The following FRMD3 variants were observed in gnomAD, a reference collection of about 807,000 sequenced individuals.
FRMD3 encodes FERM domain containing 3, also known as FERM domain-containing protein 3.
FRMD3 carries 33 observed loss-of-function variants against 70.2 expected under a neutral mutation model. The observed-to-expected ratio is 0.47, with a 90% CI of 0.36 to 0.63. The LOEUF (loss-of-function observed/expected upper bound fraction) is 0.63, where lower values mean the gene tolerates loss of function less well. Ranked by LOEUF, FRMD3 falls within the 20% of genes least tolerant of loss-of-function variation. FRMD3 has a pLI of 0.00. For synonymous variants in FRMD3, 279 were observed against 255.9 expected, an observed-to-expected ratio of 1.09 and a Z score of -0.86; for missense variants, 632 against 711.4, an observed-to-expected ratio of 0.89 and a Z score of 1.27.
intron 1 of FRMD3, among the ~76,000 whole-genome samples, chr9:83,483,056 TA>T (rs1828605602): frequency 6.6e-6 from 1 of 152,208 alleles, no homozygotes; most frequent in African/African-American, 2.4e-5. Context: ...GGTTTGGCTC[TA>T]TGTCCCCACA....
At chr9:83,432,016 A>G (rs1826995986) in intron 1 of FRMD3, among the ~76,000 whole-genome samples, 2 of 152,152 alleles carry the variant, frequency 1.3e-5, no homozygotes, top group Non-Finnish European at 2.9e-5. Flanking sequence ...AGGCATAGAC[A>G]ATCCTCATTA....
At chr9:83,429,452 C>A (rs1053131854) in intron 1 of FRMD3, among the ~76,000 whole-genome samples, 1 of 152,140 alleles carries the variant, frequency 6.6e-6, no homozygotes, top group Non-Finnish European at 1.5e-5. Context: ...AACATTCTCC[C>A]CAGGACATCC....
intron 10 of FRMD3, among the ~76,000 whole-genome samples, chr9:83,308,487 A>G (rs1835225966): frequency 6.6e-6 from 1 of 152,128 alleles, no homozygotes; most frequent in Non-Finnish European, 1.5e-5. Flanking sequence ...GGAAGACAGA[A>G]TCTCACTGTA....
At chr9:83,401,506 A>C (rs972945915) in intron 1 of FRMD3, among the ~76,000 whole-genome samples, 7 of 152,230 alleles carry the variant, frequency 4.6e-5, no homozygotes, top group Admixed American at 4.6e-4. Flanking sequence ...AAGATATATC[A>C]GTCAGGATAG....
intron 4 of FRMD3, among the ~76,000 whole-genome samples, chr9:83,346,255 C>CAAAAAAAAAAA: frequency 1.6e-5 from 1 of 62,146 alleles, no homozygotes; most frequent in Non-Finnish European, 2.9e-5. Flanking sequence ...GACGCCATCT[C>CAAAAAAAAAAA]AAAAAAAAAA....
At chr9:83,492,094 C>T (rs1828839801) in intron 1 of FRMD3, among the ~76,000 whole-genome samples, 1 of 152,102 alleles carries the variant, frequency 6.6e-6, no homozygotes, top group South Asian at 2.1e-4. Flanking sequence ...GGAAAAAGTC[C>T]CATAGACACT....
chr9:83,430,611 T>A (rs1587845649), intron 1 of FRMD3, among the ~76,000 whole-genome samples: 1 of 152,322 alleles, frequency 6.6e-6, no homozygotes, highest in East Asian at 1.9e-4. Context: ...TAAAATGGCT[T>A]GCTTTTTTTT....
At position 83,534,955 on chromosome 9, in the gene FRMD3, A is replaced by T. The variant is rs148914624; in HGVS notation, c.147+3130T>A. On this transcript the variant is annotated intron_variant, in intron 1 of 13. Coordinates refer to ENST00000304195, the MANE Select transcript of FRMD3 (RefSeq NM_174938.6). ...CCCTACCTTGGATTTACCTCTTTCCATGTCTGGAAATTTCATTGAAACTTC... is the reference window on the plus strand; with the variant it reads ...CCCTACCTTGGATTTACCTCTTTCCTTGTCTGGAAATTTCATTGAAACTTC... Among the ~76,000 whole-genome samples, 246 of 152,258 alleles carry T rather than the reference A, an allele frequency of 1.6e-3. 1 individual carries two copies. The highest frequency in any genetic ancestry group is 5.7e-3 in the African/African-American group (238 of 41,550).
chr9:83,315,563 G>C (rs1835537947), intron 6 of FRMD3, among the ~76,000 whole-genome samples: 3 of 152,078 alleles, frequency 2.0e-5, no homozygotes, highest in Admixed American at 1.3e-4. Context: ...ACCTCCCCCT[G>C]CTCTCTCTTC....
At chr9:83,401,515 A>G (rs1825949677) in intron 1 of FRMD3, among the ~76,000 whole-genome samples, 1 of 152,242 alleles carries the variant, frequency 6.6e-6, no homozygotes, top group Non-Finnish European at 1.5e-5. Flanking sequence ...CAGTCAGGAT[A>G]GGCTAGATTA....
intron 10 of FRMD3, among the ~76,000 whole-genome samples, chr9:83,308,692 C>A (rs1022276706): frequency 2.0e-5 from 3 of 152,174 alleles, no homozygotes; most frequent in African/African-American, 7.2e-5. Context: ...AACCTGAGAG[C>A]TTTACAGATG....
intron 5 of FRMD3, among the ~76,000 whole-genome samples, chr9:83,338,726 A>G (rs557870243): frequency 6.6e-6 from 1 of 152,220 alleles, no homozygotes; most frequent in African/African-American, 2.4e-5. Context: ...AGACAAAGAT[A>G]TGTATATGAA....
the FRMD3 span, among the ~76,000 whole-genome samples, chr9:83,573,738 TTCTC>T: frequency 4.5e-3 from 662 of 146,108 alleles, 3 homozygotes; most frequent in Middle Eastern, 7.4e-3. Flanking sequence ...AAAAGAACGA[TTCTC>T]TCTCTCTCTC....
At chr9:83,530,198 A>G (rs1829765955) in intron 1 of FRMD3, among the ~76,000 whole-genome samples, 1 of 152,222 alleles carries the variant, frequency 6.6e-6, no homozygotes, top group Non-Finnish European at 1.5e-5. Flanking sequence ...GTTCATAGCA[A>G]CATTATTCAT....
intron 10 of FRMD3, among the ~76,000 whole-genome samples, chr9:83,302,961 CA>C (rs1834981909): frequency 6.6e-6 from 1 of 152,158 alleles, no homozygotes; most frequent in Non-Finnish European, 1.5e-5. Context: ...TGACTATGCC[CA>C]AACATCTGAC....
At chr9:83,472,928 A>T (rs1828305081) in intron 1 of FRMD3, among the ~76,000 whole-genome samples, 1 of 152,052 alleles carries the variant, frequency 6.6e-6, no homozygotes, top group Admixed American at 6.6e-5. Context: ...TTCTTTCAAA[A>T]CTATTCTCTA....
intron 1 of FRMD3, among the ~76,000 whole-genome samples, chr9:83,466,231 A>G (rs185488291): frequency 6.6e-6 from 1 of 152,340 alleles, no homozygotes; most frequent in Admixed American, 6.5e-5. Context: ...ACTCCTGTCT[A>G]GGAAATTACC....
chr9:83,550,364 T>A, the FRMD3 span, among the ~76,000 whole-genome samples: 1 of 152,208 alleles, frequency 6.6e-6, no homozygotes, highest in African/African-American at 2.4e-5. Context: ...TAGTATACTT[T>A]GAAATCAGGT....
At chr9:83,570,822 C>A in the FRMD3 span, among the ~76,000 whole-genome samples, 10 of 152,066 alleles carry the variant, frequency 6.6e-5, no homozygotes. Flanking sequence ...AATCGGCTTC[C>A]GTAATCTAGG....
Sources: gnomAD v4.1 joint callset for allele counts (sites outside exome capture counted in the v4.1 genomes callset) on GRCh38, gnomAD v4.1.1 for gene constraint, MANE v1.5 for transcripts, NCBI Gene and HGNC (gene_info 2026-07-23, HGNC 2026-07-21) for gene names.